Variants in PUDP observed in about 807,000 individuals in gnomAD.
PUDP encodes the protein pseudouridine 5'-phosphatase, also known as pseudouridine-5'-phosphatase.
A neutral mutation model predicts 9.4 loss-of-function variants in PUDP; 8 were observed. The observed-to-expected ratio is 0.85, with a 90% confidence interval of 0.50 to 1.53. The LOEUF is 1.53. PUDP is among the 40% of genes most tolerant of loss of function. The pLI, the probability that PUDP is intolerant of heterozygous loss-of-function variation, is 0.00. For missense variants in PUDP, 188 were observed against 189.7 expected (o/e 0.99, Z 0.05); for synonymous variants, 99 against 80.7 (o/e 1.23, Z -1.22).
intron 3 of PUDP, among the ~76,000 whole-genome samples, chrX:6,766,306 A>G (rs1361316137): frequency 1.8e-5 from 2 of 112,098 alleles, no homozygotes; most frequent in Non-Finnish European, 3.8e-5. Context: ...AGGAAAATCA[A>G]TATGCAAAAC....
chrX:7,095,410 C>T (rs1376072626), intron 2 of PUDP, among the ~76,000 whole-genome samples: 2 of 112,402 alleles, frequency 1.8e-5, no homozygotes, highest in Non-Finnish European at 3.8e-5. Flanking sequence ...TGAGCCAACA[C>T]GACCATAGTG....
intron 3 of PUDP, among the ~76,000 whole-genome samples, chrX:6,751,958 C>G (rs1045920324): frequency 1.4e-4 from 15 of 110,983 alleles, no homozygotes; most frequent in Non-Finnish European, 2.1e-4. Flanking sequence ...TGTTCTCTCT[C>G]TTCCATCAGG....
chrX:6,729,572 G>A (rs1826062787), intron 3 of PUDP, among the ~76,000 whole-genome samples: 1 of 112,138 alleles, frequency 8.9e-6, no homozygotes, highest in Admixed American at 9.4e-5. Context: ...TAACCATGGA[G>A]GGATTCTGAG....
chrX:6,895,135 A>G (rs949326470), intron 3 of PUDP, among the ~76,000 whole-genome samples: 1 of 109,940 alleles, frequency 9.1e-6, no homozygotes, highest in Non-Finnish European at 1.9e-5. Context: ...GTGATTAAAA[A>G]TATTTTATAT....
chrX:7,115,840 T>A (rs12863300), intron 1 of PUDP, among the ~76,000 whole-genome samples: 48 of 112,430 alleles, frequency 4.3e-4, no homozygotes, highest in Non-Finnish European at 7.1e-4. Flanking sequence ...GGAGCTGGCC[T>A]AAGCCTGCAG....
chrX:6,872,880 G>T (rs181407938), intron 3 of PUDP, among the ~76,000 whole-genome samples: 1 of 110,385 alleles, frequency 9.1e-6, no homozygotes, highest in Non-Finnish European at 1.9e-5. Flanking sequence ...AAGATCTAGC[G>T]ATACGAGGTA....
At chrX:6,891,581 C>A (rs1927517040) in intron 3 of PUDP, among the ~76,000 whole-genome samples, 1 of 112,372 alleles carries the variant, frequency 8.9e-6, no homozygotes. Flanking sequence ...CAAGGCATTG[C>A]CCTCTGTTCT....
intron 3 of PUDP, among the ~76,000 whole-genome samples, chrX:6,966,198 GA>G (rs1184768236): frequency 9.1e-6 from 1 of 110,442 alleles, no homozygotes; most frequent in Admixed American, 9.8e-5. Flanking sequence ...TATAATATAG[GA>G]AATAAAAATA....
chrX:7,085,837 T>G (rs1466408248), intron 2 of PUDP, among the ~76,000 whole-genome samples: 1 of 111,507 alleles, frequency 9.0e-6, no homozygotes, highest in Non-Finnish European at 1.9e-5. Flanking sequence ...GCCCCCACAC[T>G]GGCCTATAAA....
chrX:6,813,568 C>T (rs184071838), intron 3 of PUDP, among the ~76,000 whole-genome samples: 351 of 111,459 alleles, frequency 3.1e-3, no homozygotes, highest in Non-Finnish European at 5.1e-3. Flanking sequence ...CCCCGTAGGG[C>T]GTAGCAAAAA....
chrX:6,821,560 C>T (rs1046860880), intron 3 of PUDP, among the ~76,000 whole-genome samples: 1 of 111,830 alleles, frequency 8.9e-6, no homozygotes, highest in Admixed American at 9.5e-5. Context: ...GAAGGATTTT[C>T]TGACCTTCCC....
intron 3 of PUDP, among the ~76,000 whole-genome samples, chrX:6,960,509 G>A (rs958739018): frequency 4.5e-5 from 5 of 111,834 alleles, no homozygotes; most frequent in African/African-American, 1.6e-4. Flanking sequence ...CTCACCAGAT[G>A]CTGGACCCCC....
At chrX:6,890,483 T>C (rs1304048798) in intron 3 of PUDP, among the ~76,000 whole-genome samples, 1 of 111,818 alleles carries the variant, frequency 8.9e-6, no homozygotes, top group Non-Finnish European at 1.9e-5. Context: ...GATGCATAGG[T>C]TCCCAGCTGA....
At chrX:7,054,249 A>T (rs1162321388) in intron 3 of PUDP, among the ~76,000 whole-genome samples, 1 of 110,968 alleles carries the variant, frequency 9.0e-6, no homozygotes, top group African/African-American at 3.3e-5. Flanking sequence ...TCGCTACCAA[A>T]AAATTAAAAA....
At chrX:7,013,459 G>T (rs1046636122) in intron 1 of PUDP, among the ~76,000 whole-genome samples, 5 of 112,448 alleles carry the variant, frequency 4.4e-5, no homozygotes, top group African/African-American at 1.6e-4. Flanking sequence ...AGCAAAGGTG[G>T]TAATTTGGGA....
intron 1 of PUDP, among the ~76,000 whole-genome samples, chrX:7,138,894 T>C (rs941648041): frequency 9.8e-5 from 6 of 61,118 alleles, no homozygotes; most frequent in Non-Finnish European, 1.8e-4. Flanking sequence ...ATGTAATCAT[T>C]AGCAAGATCT....
At chrX:6,858,662 T>C (rs750410568) in intron 3 of PUDP, among the ~76,000 whole-genome samples, 6 of 111,848 alleles carry the variant, frequency 5.4e-5, no homozygotes, top group Admixed American at 9.5e-5. Flanking sequence ...TTAAGTATAG[T>C]ACTTCCTGAT....
chrX:6,898,900 C>T (rs1927632031), intron 3 of PUDP, among the ~76,000 whole-genome samples: 1 of 111,760 alleles, frequency 8.9e-6, no homozygotes, highest in Non-Finnish European at 1.9e-5. Context: ...GGAATCCACG[C>T]TTCTCTTCAG....
intron 3 of PUDP, among the ~76,000 whole-genome samples, chrX:6,857,678 C>T (rs1926927712): frequency 9.0e-6 from 1 of 111,633 alleles, no homozygotes; most frequent in Non-Finnish European, 1.9e-5. Flanking sequence ...AAGCAGTCCT[C>T]CCACCTAGGC....
Sources: allele counts gnomAD v4.1 joint callset (sites outside exome capture counted in the v4.1 genomes callset), GRCh38; gene constraint gnomAD v4.1.1; transcripts MANE v1.5; gene names NCBI Gene and HGNC (gene_info 2026-07-23, HGNC 2026-07-21).